The following FRMPD4 variants were observed in gnomAD, a reference collection of about 807,000 sequenced individuals.
FRMPD4 encodes FERM and PDZ domain containing 4, also known as FERM and PDZ domain-containing protein 4.
A neutral mutation model predicts 94.1 loss-of-function variants in FRMPD4; 22 were observed. That is an observed-to-expected ratio of 0.23 (90% CI 0.17 to 0.33). The LOEUF (loss-of-function observed/expected upper bound fraction) is 0.33, where lower values mean the gene tolerates loss of function less well. Ranked by LOEUF, FRMPD4 falls within the 10% of genes least tolerant of loss-of-function variation. The probability of loss-of-function intolerance (pLI) is 1.00; values close to 1 mark genes in which losing one functional copy is unlikely to be tolerated. For synonymous variants in FRMPD4, 631 were observed against 548.6 expected, an observed-to-expected ratio of 1.15 and a Z score of -2.10; for missense variants, 1,111 against 1,339.9, an observed-to-expected ratio of 0.83 and a Z score of 2.67.
chrX:12,376,726 A>G (rs755641188), intron 1 of FRMPD4, among the ~76,000 whole-genome samples: 1 of 112,821 alleles, frequency 8.9e-6, no homozygotes, highest in Non-Finnish European at 1.9e-5. Flanking sequence ...AATTCTGACC[A>G]TTTGTAAGAT....
At chrX:12,320,456 C>T (rs914884896) in intron 1 of FRMPD4, among the ~76,000 whole-genome samples, 2 of 111,623 alleles carry the variant, frequency 1.8e-5, no homozygotes, top group Non-Finnish European at 3.8e-5. Context: ...TGCAAAGCAC[C>T]CCCAGCAGAT....
chrX:12,676,501 A>C (rs887224272), intron 5 of FRMPD4, among the ~76,000 whole-genome samples: 6 of 112,368 alleles, frequency 5.3e-5, no homozygotes, highest in African/African-American at 1.3e-4. Context: ...TTCTCTTTCT[A>C]TATTGTATAA....
chrX:12,527,313 G>A (rs2058234515), intron 2 of FRMPD4, among the ~76,000 whole-genome samples: 1 of 111,036 alleles, frequency 9.0e-6, no homozygotes, highest in Admixed American at 9.6e-5. Context: ...CTCACTAGAG[G>A]TGTTTCCACT....
chrX:11,852,456 A>G (rs895241278), intron 1 of FRMPD4, among the ~76,000 whole-genome samples: 14 of 108,736 alleles, frequency 1.3e-4, no homozygotes, highest in African/African-American at 2.7e-4. Flanking sequence ...AAAAAAAAAA[A>G]AAAAAGAAAA....
chrX:12,705,327 C>A (rs992283148), intron 11 of FRMPD4, among the ~76,000 whole-genome samples: 5 of 111,696 alleles, frequency 4.5e-5, no homozygotes, highest in African/African-American at 1.6e-4. Context: ...AGAGAAGGAG[C>A]CTTAAAATAC....
intron 4 of FRMPD4, among the ~76,000 whole-genome samples, chrX:12,636,769 G>A (rs758616993): frequency 1.6e-3 from 184 of 111,738 alleles, no homozygotes; most frequent in African/African-American, 5.4e-3. Flanking sequence ...ATAAACTCAT[G>A]GATTTAAGTA....
intron 3 of FRMPD4, among the ~76,000 whole-genome samples, chrX:12,028,385 T>C (rs1458420855): frequency 2.7e-5 from 3 of 111,855 alleles, no homozygotes; most frequent in African/African-American, 9.7e-5. Flanking sequence ...GATTTCTCCA[T>C]ATACTCCCTA....
intron 1 of FRMPD4, among the ~76,000 whole-genome samples, chrX:12,226,114 A>AT (rs989207023): frequency 5.4e-5 from 6 of 111,123 alleles, no homozygotes; most frequent in African/African-American, 2.0e-4. Flanking sequence ...TGTTTATTTT[A>AT]TTTTTTTGAA....
chrX:12,716,924 A>T lies in FRMPD4; in HGVS notation c.2465A>T (p.Asp822Val). 8.3e-7 allele frequency: 1 copy of T among 1,210,436 alleles called. No individual in the cohort carries two copies. ...PGFRDSSDEEDSQSQAASFPE... is the reference protein window; with the variant it reads ...PGFRDSSDEEVSQSQAASFPE... ...TTTAGAGACAGTTCAGATGAAGAGG[A>T]CTCTCAGAGCCAGGCAGCTTCCTTC... The change falls in exon 15 of 17, where the codon GAC becomes GTC. Residue 822 changes from aspartate (D) to valine (V), a missense_variant. Physicochemically the swap from Asp to Val is radical, Grantham distance 152 (BLOSUM62 -3). Coordinates refer to ENST00000675598, the MANE Select transcript of FRMPD4 (RefSeq NM_001368397.1).
chrX:12,652,019 T>C (rs2059599710), intron 4 of FRMPD4, among the ~76,000 whole-genome samples: 1 of 112,561 alleles, frequency 8.9e-6, no homozygotes, highest in South Asian at 3.6e-4. Context: ...TTCCTTTAGT[T>C]ATCTCACATT....
At chrX:12,118,217 C>T (rs1348431295) in intron 3 of FRMPD4, among the ~76,000 whole-genome samples, 1 of 111,323 alleles carries the variant, frequency 9.0e-6, no homozygotes, top group Non-Finnish European at 1.9e-5. Flanking sequence ...TCTTATGCTC[C>T]ATTATTGCCT....
chrX:12,312,118 A>G (rs1290756361), intron 1 of FRMPD4, among the ~76,000 whole-genome samples: 1 of 110,269 alleles, frequency 9.1e-6, no homozygotes, highest in Admixed American at 9.7e-5. Context: ...TTCCAGTTCA[A>G]TAATTCTTTC....
intron 1 of FRMPD4, among the ~76,000 whole-genome samples, chrX:12,432,573 C>T (rs1394931959): frequency 1.8e-5 from 2 of 111,866 alleles, no homozygotes; most frequent in Non-Finnish European, 3.8e-5. Flanking sequence ...GACTGAGGGG[C>T]TCAGTTCCTC....
chrX:12,234,035 G>A (rs1601723380), intron 1 of FRMPD4, among the ~76,000 whole-genome samples: 1 of 109,329 alleles, frequency 9.1e-6, no homozygotes, highest in South Asian at 4.0e-4. Context: ...TGCTGCACAC[G>A]AAGTGCTTTC....
chrX:12,247,844 T>C (rs919247279), intron 1 of FRMPD4, among the ~76,000 whole-genome samples: 6 of 110,608 alleles, frequency 5.4e-5, no homozygotes, highest in Non-Finnish European at 1.1e-4. Flanking sequence ...ATATTGAGAC[T>C]CAGGGAGATT....
chrX:12,661,797 C>T (rs138963426), intron 4 of FRMPD4, among the ~76,000 whole-genome samples: 3,907 of 111,959 alleles, frequency 0.035, 71 homozygotes, highest in Middle Eastern at 0.055. Context: ...ATTATAATCT[C>T]TCTTCAGAGT....
At position 11,956,253 on chromosome X, in the gene FRMPD4, C is replaced by A. The variant is rs1458553379; in HGVS notation, c.95+78235C>A. On this transcript the variant is annotated intron_variant, in intron 3 of 18. Transcript: ENST00000640291. Reference sequence around the variant, plus strand: ...AGCTCTTCACATAGCTAGAACTAGGCGCTCTGTTCTCCCCATTCTTCTTAT... The same window carrying A: ...AGCTCTTCACATAGCTAGAACTAGGAGCTCTGTTCTCCCCATTCTTCTTAT... 2.7e-5 allele frequency among the ~76,000 whole-genome samples: 3 copies of A among 111,861 alleles called. No homozygotes were observed. In the South Asian group the frequency reaches 1.1e-3, roughly 42 times the overall value.
At chrX:11,945,733 G>A (rs753179200) in intron 3 of FRMPD4, among the ~76,000 whole-genome samples, 4 of 111,331 alleles carry the variant, frequency 3.6e-5, no homozygotes, top group Non-Finnish European at 7.5e-5. Context: ...AACTAATAGA[G>A]AGGGAACTCA....
chrX:12,020,737 C>T, intron 3 of FRMPD4, among the ~76,000 whole-genome samples: 1 of 111,783 alleles, frequency 8.9e-6, no homozygotes, highest in Non-Finnish European at 1.9e-5. Context: ...CTGCAGTATG[C>T]ATCCATTGTA....
Sources: allele counts gnomAD v4.1 joint callset (sites outside exome capture counted in the v4.1 genomes callset), GRCh38; gene constraint gnomAD v4.1.1; transcripts MANE v1.5; gene names NCBI Gene and HGNC (gene_info 2026-07-23, HGNC 2026-07-21).